SETBP1: variants seen among roughly 807,000 people sequenced by gnomAD.
SETBP1 encodes the protein SET binding protein 1.
A neutral mutation model predicts 101.0 loss-of-function variants in SETBP1; 9 were observed. The ratio of observed to expected loss-of-function variants is 0.09; its 90% confidence interval spans 0.05 to 0.16. SETBP1 has a LOEUF of 0.16. Among genes scored for constraint, SETBP1 ranks in the 10% least tolerant of loss-of-function variants. The probability of loss-of-function intolerance (pLI) is 1.00; values close to 1 mark genes in which losing one functional copy is unlikely to be tolerated. For missense variants in SETBP1, 1,858 were observed against 2,033.8 expected (o/e 0.91, Z 1.66); for synonymous variants, 818 against 788.5 (o/e 1.04, Z -0.63).
intron 3 of SETBP1, chr18:44,871,936 G>A (rs996015120): frequency 5.3e-5 from 8 of 152,196 alleles, no homozygotes; most frequent in African/African-American, 1.9e-4. Flanking sequence ...TTCTCAGCAA[G>A]TTTTAAAGGC....
intron 4 of SETBP1, among the ~76,000 whole-genome samples, chr18:44,966,869 A>T (rs2071731846): frequency 6.6e-6 from 1 of 152,190 alleles, no homozygotes; most frequent in African/African-American, 2.4e-5. Context: ...AGCCCGAAAA[A>T]TGAAGCTGTT....
At chr18:44,720,640 G>C (rs923359415) in intron 2 of SETBP1, among the ~76,000 whole-genome samples, 7 of 152,142 alleles carry the variant, frequency 4.6e-5, no homozygotes, top group Non-Finnish European at 7.4e-5. Flanking sequence ...CCCGATGGTG[G>C]AACATGTGAG....
intron 3 of SETBP1, among the ~76,000 whole-genome samples, chr18:44,924,789 C>T (rs1246406602): frequency 1.3e-5 from 2 of 152,188 alleles, no homozygotes; most frequent in Non-Finnish European, 2.9e-5. Flanking sequence ...TCATCCCCCA[C>T]CCTCAACCTT....
chr18:44,727,076 A>G (rs2069724278), intron 2 of SETBP1, among the ~76,000 whole-genome samples: 1 of 152,086 alleles, frequency 6.6e-6, no homozygotes, highest in Admixed American at 6.6e-5. Flanking sequence ...CTTCTCTCTG[A>G]AGTCCTTTTC....
chr18:44,788,280 G>A (rs1244550282), intron 2 of SETBP1, among the ~76,000 whole-genome samples: 1 of 152,224 alleles, frequency 6.6e-6, no homozygotes, highest in Non-Finnish European at 1.5e-5. Context: ...GCAGGAGGCA[G>A]GGGTAGAGAG....
intron 3 of SETBP1, among the ~76,000 whole-genome samples, chr18:44,949,196 G>A (rs147845803): frequency 1.6e-3 from 240 of 152,118 alleles, no homozygotes; most frequent in African/African-American, 4.8e-3. Context: ...TTTCTTCTCC[G>A]TGCCCTCGAT....
rs758959327 is a variant in SETBP1, at chr18:44,958,989, CA to C, written c.4000+5658del. 7.1e-4 allele frequency among the ~76,000 whole-genome samples: 107 copies of C among 151,046 alleles called. No individual in the cohort carries two copies. The East Asian group carries it at 0.018, about 25-fold the overall frequency. On this transcript the variant is annotated intron_variant, in intron 4 of 5. Transcript: ENST00000649279. The stretch of plus-strand genomic sequence containing the variant: ...AACCCATAACTTTGTAGCAACGTAA[CA>C]AAAAAAAATAGCTGAGACTCACAGC...
At chr18:44,687,442 G>C (rs910765791) in intron 1 of SETBP1, among the ~76,000 whole-genome samples, 1 of 152,186 alleles carries the variant, frequency 6.6e-6, no homozygotes, top group African/African-American at 2.4e-5. Flanking sequence ...GTTACAGAAA[G>C]GGAAGGTGGT....
intron 3 of SETBP1, chr18:44,870,502 G>T (rs1353929144): frequency 6.6e-6 from 1 of 152,220 alleles, no homozygotes; most frequent in South Asian, 2.1e-4. Context: ...TGTCTGGAAA[G>T]TAGTGAGTTT....
At chr18:44,844,944 T>C (rs2072695630) in intron 2 of SETBP1, among the ~76,000 whole-genome samples, 1 of 152,176 alleles carries the variant, frequency 6.6e-6, no homozygotes, top group African/African-American at 2.4e-5. Context: ...ACATTCATGC[T>C]TGGGGCCAGG....
Position 44,844,918 on chromosome 18 carries a change from A to G in SETBP1, c.487-24312A>G, listed in dbSNP as rs2072695041. On this transcript the variant is annotated intron_variant, in intron 2 of 5. Coordinates refer to ENST00000649279, the MANE Select transcript of SETBP1 (RefSeq NM_015559.3). Reference sequence around the variant, plus strand: ...GAGTCTAGGAAAAGTTTGCTTTCAAACACGGTGTGCTATTCACATTCATGC... The same window carrying G: ...GAGTCTAGGAAAAGTTTGCTTTCAAGCACGGTGTGCTATTCACATTCATGC... Among the ~76,000 whole-genome samples the G allele has an allele frequency of 2.6e-5, 4 of 152,318 alleles. No homozygotes were observed. The South Asian group carries it at 8.3e-4, about 32-fold the overall frequency.
chr18:44,983,001 G>A (rs2072148889), intron 4 of SETBP1, among the ~76,000 whole-genome samples: 1 of 152,152 alleles, frequency 6.6e-6, no homozygotes, highest in South Asian at 2.1e-4. Flanking sequence ...ATTATGGTAT[G>A]TGGGCCCCCT....
At chr18:44,937,279 C>T (rs1787237265) in intron 3 of SETBP1, among the ~76,000 whole-genome samples, 2 of 151,226 alleles carry the variant, frequency 1.3e-5, no homozygotes, top group Non-Finnish European at 2.9e-5. Flanking sequence ...GGTGAAACCC[C>T]GTCTCTACTA....
At chr18:44,710,761 A>C (rs576362472) in intron 2 of SETBP1, among the ~76,000 whole-genome samples, 1 of 152,292 alleles carries the variant, frequency 6.6e-6, no homozygotes, top group South Asian at 2.1e-4. Context: ...GGAAGTTTCT[A>C]ATATCTGCAA....
At chr18:44,960,881 G>T (rs1273705991) in intron 4 of SETBP1, among the ~76,000 whole-genome samples, 6 of 152,136 alleles carry the variant, frequency 3.9e-5, no homozygotes, top group Admixed American at 2.6e-4. Context: ...TTACACAAAT[G>T]CTCAAGCAAA....
At chr18:44,910,276 A>G (rs1283480744) in intron 3 of SETBP1, among the ~76,000 whole-genome samples, 1 of 152,192 alleles carries the variant, frequency 6.6e-6, no homozygotes, top group African/African-American at 2.4e-5. Flanking sequence ...CCATTCAGGG[A>G]CAAACAGCAA....
At chr18:44,731,366 G>A (rs1174998201) in intron 2 of SETBP1, among the ~76,000 whole-genome samples, 4 of 152,194 alleles carry the variant, frequency 2.6e-5, no homozygotes, top group East Asian at 3.9e-4. Context: ...GGCACCACTC[G>A]CTAAACTGAC....
chr18:44,718,056 C>T (rs1241585067), intron 2 of SETBP1, among the ~76,000 whole-genome samples: 1 of 152,196 alleles, frequency 6.6e-6, no homozygotes, highest in Admixed American at 6.5e-5. Flanking sequence ...AGTTTTTGCT[C>T]AGCACTTTAC....
intron 3 of SETBP1, among the ~76,000 whole-genome samples, chr18:44,921,284 T>C (rs1243829890): frequency 6.6e-6 from 1 of 152,208 alleles, no homozygotes; most frequent in Non-Finnish European, 1.5e-5. Context: ...ATTTGAAGCA[T>C]AAGGTAGTTG....
Sources: allele counts gnomAD v4.1 joint callset (sites outside exome capture counted in the v4.1 genomes callset), GRCh38; gene constraint gnomAD v4.1.1; transcripts MANE v1.5; gene names NCBI Gene and HGNC (gene_info 2026-07-23, HGNC 2026-07-21).